TENM4: variants seen among roughly 807,000 people sequenced by gnomAD.
The protein encoded by TENM4 is teneurin-4.
Under a neutral mutation model 243.3 loss-of-function variants are expected in TENM4, and 82 were observed. That is an observed-to-expected ratio of 0.34 (90% CI 0.28 to 0.40). TENM4 has a LOEUF of 0.40. Ranked by LOEUF, TENM4 falls within the 10% of genes least tolerant of loss-of-function variation. The pLI, the probability that TENM4 is intolerant of heterozygous loss-of-function variation, is 1.00. For synonymous variants in TENM4, 1,412 were observed against 1,456.3 expected (o/e 0.97, Z 0.69); for missense variants, 3,138 against 3,673.3 (o/e 0.85, Z 3.77).
chr11:79,225,436 C>G (rs889965951), intron 2 of TENM4, among the ~76,000 whole-genome samples: 2 of 152,036 alleles, frequency 1.3e-5, no homozygotes, highest in Non-Finnish European at 2.9e-5. Context: ...TTTTTTGAGA[C>G]TGGGTCTCCC....
At chr11:79,422,004 C>T (rs780461353) in intron 1 of TENM4, among the ~76,000 whole-genome samples, 2 of 151,988 alleles carry the variant, frequency 1.3e-5, no homozygotes, top group Non-Finnish European at 2.9e-5. Context: ...CCACACGTGG[C>T]GCCTGTGAAG....
chr11:79,139,040 TAAATATATA>T (rs1175623408), intron 4 of TENM4, among the ~76,000 whole-genome samples: 2 of 34,794 alleles, frequency 5.7e-5, no homozygotes, highest in Non-Finnish European at 1.1e-4. Flanking sequence ...TATATTTCTA[TAAATATATA>T]AAATATATAT....
intron 18 of TENM4, among the ~76,000 whole-genome samples, chr11:78,763,125 T>C (rs1856465776): frequency 6.6e-6 from 1 of 152,196 alleles, no homozygotes; most frequent in South Asian, 2.1e-4. Flanking sequence ...GAAAAAGAAA[T>C]CAGGAAAGCA....
At chr11:78,899,558 G>GC (rs796873259) in intron 7 of TENM4, among the ~76,000 whole-genome samples, 1,458 of 99,988 alleles carry the variant, frequency 0.015, 92 homozygotes, top group African/African-American at 0.054. Context: ...GTCTCAAAAA[G>GC]CGGGGGGGGG....
At chr11:78,665,686 C>T (rs1858140564) in intron 32 of TENM4, among the ~76,000 whole-genome samples, 1 of 152,166 alleles carries the variant, frequency 6.6e-6, no homozygotes, top group Non-Finnish European at 1.5e-5. Context: ...TCTTAGTGGG[C>T]CAGTTACTTT....
chr11:78,944,351 A>T (rs546191953), intron 6 of TENM4, among the ~76,000 whole-genome samples: 1 of 152,330 alleles, frequency 6.6e-6, no homozygotes, highest in South Asian at 2.1e-4. Flanking sequence ...GCAATGATGA[A>T]GATCATTTTC....
In TENM4 at chr11:79,270,263, T is replaced by G. The variant is rs532347566; in HGVS notation, c.-265+27225A>C. ...GGGTGTAACTGGCACTTAGCACTTA[T>G]GGGTGTGCACAAGGCATGTGCCATC... On this transcript the variant is annotated intron_variant, in intron 2 of 33. Transcript: ENST00000278550. Among the ~76,000 whole-genome samples, 3 of 152,312 alleles carry G rather than the reference T, an allele frequency of 2.0e-5. No homozygotes were observed. In the South Asian group the frequency reaches 6.2e-4, roughly 32 times the overall value.
At chr11:79,197,688 C>T (rs895620338) in intron 3 of TENM4, among the ~76,000 whole-genome samples, 2 of 152,170 alleles carry the variant, frequency 1.3e-5, no homozygotes, top group Admixed American at 6.5e-5. Context: ...GTTATTTCTC[C>T]TCTGAAGCAG....
chr11:79,155,989 C>T (rs989634969), intron 3 of TENM4, among the ~76,000 whole-genome samples: 1 of 152,084 alleles, frequency 6.6e-6, no homozygotes, highest in Non-Finnish European at 1.5e-5. Context: ...ACTAATTTAA[C>T]TTCAAAAATA....
At chr11:79,136,493 G>C (rs1160174854) in intron 4 of TENM4, among the ~76,000 whole-genome samples, 1 of 152,158 alleles carries the variant, frequency 6.6e-6, no homozygotes, top group African/African-American at 2.4e-5. Context: ...TACAGCCACT[G>C]CTGAGTGCCC....
chr11:78,885,809 C>T (rs1026359718), intron 9 of TENM4, among the ~76,000 whole-genome samples: 8 of 152,076 alleles, frequency 5.3e-5, no homozygotes, highest in Non-Finnish European at 1.0e-4. Flanking sequence ...ACTGTAGTCC[C>T]GGCTGCTCGG....
At chr11:79,354,832 A>C (rs1335877472) in intron 1 of TENM4, among the ~76,000 whole-genome samples, 1 of 152,252 alleles carries the variant, frequency 6.6e-6, no homozygotes, top group Non-Finnish European at 1.5e-5. Context: ...TTGAAGTCTG[A>C]AAAGTTTAAG....
At chr11:78,749,904 G>T (rs558078242) in intron 19 of TENM4, among the ~76,000 whole-genome samples, 1 of 152,278 alleles carries the variant, frequency 6.6e-6, no homozygotes, top group South Asian at 2.1e-4. Flanking sequence ...TGGCCTCATA[G>T]TTCCCTATGT....
At chr11:79,414,852 C>G (rs1371086258) in intron 1 of TENM4, among the ~76,000 whole-genome samples, 1 of 152,194 alleles carries the variant, frequency 6.6e-6, no homozygotes. Flanking sequence ...TCCTGAGCTC[C>G]TTGAACCTAA....
chr11:78,763,345 G>A (rs1856472366), intron 18 of TENM4, among the ~76,000 whole-genome samples: 2 of 152,162 alleles, frequency 1.3e-5, no homozygotes, highest in African/African-American at 2.4e-5. Context: ...TGCTGCACTC[G>A]AGTGGCCCCT....
At chr11:79,289,441 C>T (rs546493256) in intron 2 of TENM4, among the ~76,000 whole-genome samples, 11 of 152,262 alleles carry the variant, frequency 7.2e-5, no homozygotes, top group Non-Finnish European at 1.5e-4. Flanking sequence ...TGGCCTTCAG[C>T]CCAAGAGAGC....
chr11:79,421,731 C>G (rs962448281), intron 1 of TENM4, among the ~76,000 whole-genome samples: 5 of 151,608 alleles, frequency 3.3e-5, no homozygotes, highest in Non-Finnish European at 5.9e-5. Flanking sequence ...CAGTTATCAG[C>G]AAGACAGTGC....
chr11:78,790,056 T>C (rs1857020655), intron 15 of TENM4, among the ~76,000 whole-genome samples: 1 of 152,218 alleles, frequency 6.6e-6, no homozygotes, highest in Non-Finnish European at 1.5e-5. Flanking sequence ...CTTCTAATAA[T>C]ATCCACACAT....
intron 3 of TENM4, among the ~76,000 whole-genome samples, chr11:79,190,848 G>T (rs1239845994): frequency 1.6e-3 from 25 of 15,482 alleles, no homozygotes; most frequent in African/African-American, 8.8e-3. Flanking sequence ...TCCCTCTCCC[G>T]TCTCCCTCTC....
Sources: gnomAD v4.1 joint callset for allele counts (sites outside exome capture counted in the v4.1 genomes callset) on GRCh38, gnomAD v4.1.1 for gene constraint, MANE v1.5 for transcripts, NCBI Gene and HGNC (gene_info 2026-07-23, HGNC 2026-07-21) for gene names.